Variants in SHH observed in about 807,000 individuals in gnomAD.
SHH encodes sonic hedgehog protein.
A neutral mutation model predicts 16.6 loss-of-function variants in SHH; 3 were observed. The observed-to-expected ratio is 0.18, with a 90% CI of 0.08 to 0.47. SHH has a LOEUF of 0.47. Ranked by LOEUF, SHH falls within the 20% of genes least tolerant of loss-of-function variation. SHH has a pLI of 0.98. For synonymous variants in SHH, 351 were observed against 316.2 expected, an observed-to-expected ratio of 1.11 and a Z score of -1.17; for missense variants, 499 against 665.0, an observed-to-expected ratio of 0.75 and a Z score of 2.75.
Position 155,800,256 on chromosome 7 carries a change from G to C in SHH, c.*2644C>G. The C allele has an allele frequency of 2.1e-6, 1 of 470,006 alleles. No individual in the cohort carries two copies. Among genetic ancestry groups the C allele is most frequent in the Non-Finnish European group, 4.4e-6 (1 of 226,732 alleles). The allele number at this position is 470,006 out of a possible 1,614,324, so 29.1% of individuals were successfully genotyped here. A position where few individuals can be genotyped will look rare whatever the true frequency, so the allele number is the denominator to read the frequency against. The stretch of plus-strand genomic sequence containing the variant: ...GTTTCCTTTCCTTGCCTGTGAAAAA[G>C]AGAATTTTAAATATAAAGCAGTGGA... On this transcript the variant is annotated 3_prime_UTR_variant, in exon 3 of 3. Coordinates refer to ENST00000297261, the MANE Select transcript of SHH (RefSeq NM_000193.4).
chr7:155,804,473 C>T (rs1803295036), intron 2 of SHH, among the ~76,000 whole-genome samples: 1 of 152,110 alleles, frequency 6.6e-6, no homozygotes, highest in African/African-American at 2.4e-5. Flanking sequence ...TGGAAGGGGA[C>T]ACTTCCATTT....
chr7:155,803,719 C>T lies in SHH; in HGVS notation c.570G>A (p.Ser190=), dbSNP rs9333633. 4.3e-3 allele frequency: 6,847 copies of T among 1,596,968 alleles called. 56 individuals are homozygous for T. Among genetic ancestry groups the T allele is most frequent in the South Asian group, 0.019 (1,705 of 90,916 alleles). ...AGCAGCCTCCCGATTTGGCCGCCAC[C>T]GAGTTCTCTGCGGGTGAGGAGAAGG... ...HIHCSVKAEN[S]VAAKSGGCFP... The change falls in exon 3 of 3, where the codon TCG becomes TCA. Residue 190 remains serine, a synonymous_variant. Coordinates refer to ENST00000297261, the MANE Select transcript of SHH (RefSeq NM_000193.4).
rs751747965 is a variant in SHH at position 155,812,148 on chromosome 7, G to T, written c.-26C>A. ...CTCGCCCATGGAACTGATGACTTCC[G>T]AGCTGTCCCCGTGCGGGTCCGTGCG... On this transcript the variant is annotated 5_prime_UTR_variant, in exon 1 of 3. Coordinates refer to ENST00000297261, the MANE Select transcript of SHH (RefSeq NM_000193.4). The T allele has an allele frequency of 5.0e-6, 8 of 1,612,808 alleles. No homozygotes were observed.
At position 155,803,163 on chromosome 7, in the gene SHH, C is replaced by A; in HGVS notation, c.1126G>T (p.Ala376Ser). 6.9e-7 allele frequency: 1 copy of A among 1,447,606 alleles called. No homozygotes were observed. The highest frequency in any genetic ancestry group is 9.1e-7 in the Non-Finnish European group (1 of 1,098,446). The allele number at this position is 1,447,606 out of a possible 1,614,324, so 89.7% of individuals were successfully genotyped here. ...VIEEHSWAHR[A>S]FAPFRLAHAL... ...TGCGCCAGGCGGAAGGGCGCGAAGG[C>A]CCGGTGCGCCCAGCTGTGCTCCTCG... is the stretch of plus-strand genomic sequence containing the variant. Residue 376 changes from alanine to serine, a missense_variant, in exon 3 of 3, where the codon GCC becomes TCC. By Grantham distance (99) the Ala-to-Ser change is moderately conservative (BLOSUM62 1). Coordinates refer to ENST00000297261, the MANE Select transcript of SHH (RefSeq NM_000193.4).
In SHH at chr7:155,802,560, C is replaced by T. The variant is rs958801821; in HGVS notation, c.*340G>A. ...AGTTCACATGATCATAATAAATTAT[C>T]CAAGAAACAAACTATTTAAGGCTCT... On this transcript the variant is annotated 3_prime_UTR_variant, in exon 3 of 3. Coordinates refer to ENST00000297261, the MANE Select transcript of SHH (RefSeq NM_000193.4). 5.2e-5 allele frequency: 10 copies of T among 193,100 alleles called. No homozygotes were observed. The highest frequency in any genetic ancestry group is 7.3e-5 in the Non-Finnish European group (7 of 95,320). 12.0% of individuals were successfully genotyped at this position (193,100 alleles called of 1,614,324 possible). A position where few individuals can be genotyped will look rare whatever the true frequency, so the allele number is the denominator to read the frequency against.
intron 1 of SHH, among the ~76,000 whole-genome samples, chr7:155,808,016 G>T (rs1190796002): frequency 6.6e-5 from 10 of 151,622 alleles, no homozygotes; most frequent in Admixed American, 1.3e-4. Context: ...GACAAATTGC[G>T]CAACAGGAAA....
At chr7:155,806,157 A>C in intron 2 of SHH, 139 bp downstream of exon 2, 1 of 1,072,708 alleles carries the variant, frequency 9.3e-7, no homozygotes, top group Non-Finnish European at 1.4e-6. Flanking sequence ...GGCAGGTTCC[A>C]CCGCGGAAAC....
chr7:155,803,269 C>A lies in SHH; in HGVS notation c.1020G>T (p.Glu340Asp). ...AAVHSVTLSE[E>D]AAGAYAPLTA... The stretch of plus-strand genomic sequence containing the variant: ...TGAGCGGCGCGTAGGCGCCCGCGGC[C>A]TCCTCGCTTAGGGTCACGCTGTGCA... The change falls in exon 3 of 3, where the codon GAG becomes GAT. Residue 340 changes from glutamate (E) to aspartate (D), a missense_variant. Coordinates refer to ENST00000297261, the MANE Select transcript of SHH (RefSeq NM_000193.4). 1 of 1,507,160 alleles carries A rather than the reference C, an allele frequency of 6.6e-7. No individual in the cohort carries two copies. The highest frequency in any genetic ancestry group is 1.4e-5 in the African/African-American group (1 of 69,634). 93.4% of individuals were successfully genotyped at this position (1,507,160 alleles called of 1,614,324 possible).
chr7:155,808,913 C>T (rs1478600829), intron 1 of SHH: 1 of 152,292 alleles, frequency 6.6e-6, no homozygotes, highest in Admixed American at 6.5e-5. Flanking sequence ...AGCTTCAAGA[C>T]AGCCCCAGCC....
chr7:155,805,906 G>A (rs572309983), intron 2 of SHH, among the ~76,000 whole-genome samples: 1 of 152,250 alleles, frequency 6.6e-6, no homozygotes, highest in African/African-American at 2.4e-5. Flanking sequence ...GGGTGGGGGC[G>A]GTTGGTTCTT....
chr7:155,802,096 A>AAAAAAAAAG lies in SHH; in HGVS notation c.*803_*804insCTTTTTTTT, dbSNP rs1803196108. On this transcript the variant is annotated 3_prime_UTR_variant, in exon 3 of 3. Coordinates refer to ENST00000297261, the MANE Select transcript of SHH (RefSeq NM_000193.4). The stretch of plus-strand genomic sequence containing the variant: ...TTGTCCAAAAAAAAAAAAAAAAAAA[A>AAAAAAAAAG]AAAAGAAAAGAAAAGAAAAAGAAAA... 6.9e-6 allele frequency: 1 copy of AAAAAAAAAG among 145,674 alleles called. No homozygotes were observed. The highest frequency in any genetic ancestry group is 2.6e-5 in the African/African-American group (1 of 38,878). The allele number at this position is 145,674 out of a possible 1,614,324, so 9.0% of individuals were successfully genotyped here.
Position 155,812,423 on chromosome 7 carries a change from A to C in SHH, c.-301T>G. 2 of 511,334 alleles carry C rather than the reference A, an allele frequency of 3.9e-6. No individual in the cohort carries two copies. Among genetic ancestry groups the C allele is most frequent in the Non-Finnish European group, 3.6e-6 (1 of 280,172 alleles). 31.7% of individuals were successfully genotyped at this position (511,334 alleles called of 1,614,324 possible). ...CGCGAGACAGCAATCAAAAGACAAA[A>C]AGAGTCTGATTTTAAATGGTAGCAA... On this transcript the variant is annotated 5_prime_UTR_variant, in exon 1 of 3. Coordinates refer to ENST00000297261, the MANE Select transcript of SHH (RefSeq NM_000193.4).
In SHH at chr7:155,812,248, G is replaced by C. The variant is rs1563203506; in HGVS notation, c.-126C>G. On this transcript the variant is annotated 5_prime_UTR_variant, in exon 1 of 3. Transcript: ENST00000297261. ...CTTCCTCGCTCCGGCTCGCCCGCTC[G>C]CTCTCTCCCTCGCTGGCTGCCTCGC... is the stretch of plus-strand genomic sequence containing the variant. The C allele has an allele frequency of 2.2e-6, 2 of 899,314 alleles. No individual in the cohort carries two copies. Among genetic ancestry groups the C allele is most frequent in the South Asian group, 2.7e-5 (2 of 72,912 alleles). The allele number at this position is 899,314 out of a possible 1,614,324, so 55.7% of individuals were successfully genotyped here.
chr7:155,800,764 C>A lies in SHH; in HGVS notation c.*2136G>T. ...CCTGCGCCATCCACCTGGTCACACA[C>A]CCTCCACGGAAGGCCACTCAAGGGC... is the stretch of plus-strand genomic sequence containing the variant. On this transcript the variant is annotated 3_prime_UTR_variant, in exon 3 of 3. Coordinates refer to ENST00000297261, the MANE Select transcript of SHH (RefSeq NM_000193.4). The A allele has an allele frequency of 4.9e-6, 2 of 405,966 alleles. 1 individual carries two copies. Among genetic ancestry groups the A allele is most frequent in the Non-Finnish European group, 9.9e-6 (2 of 201,720 alleles). The allele number at this position is 405,966 out of a possible 1,614,324, so 25.1% of individuals were successfully genotyped here.
Position 155,807,114 on chromosome 7 carries a change from C to A in SHH, c.301-557G>T, listed in dbSNP as rs552026021. ...ACTGCTTGGAGAATTGAAGGCCTTG[C>A]ATTTATTTACCTCAGGCCCTAACCC... On this transcript the variant is annotated intron_variant, in intron 1 of 2. Coordinates refer to ENST00000297261, the MANE Select transcript of SHH (RefSeq NM_000193.4). The surrounding 1 kb of genome is among the most constrained non-coding windows in gnomAD (Gnocchi z 7.1). The A allele has an allele frequency of 1.1e-5, 2 of 184,942 alleles. No homozygotes were observed. The highest frequency in any genetic ancestry group is 5.3e-5 in the Admixed American group (1 of 18,804). The allele number at this position is 184,942 out of a possible 1,614,324, so 11.5% of individuals were successfully genotyped here.
In SHH at chr7:155,803,068, C is replaced by T. The variant is rs769639198; in HGVS notation, c.1221G>A (p.Gly407=). 2 of 1,380,000 alleles carry T rather than the reference C, an allele frequency of 1.4e-6. No homozygotes were observed. Among genetic ancestry groups the T allele is most frequent in the Non-Finnish European group, 1.9e-6 (2 of 1,064,486 alleles). The allele number at this position is 1,380,000 out of a possible 1,614,324, so 85.5% of individuals were successfully genotyped here. A position where few individuals can be genotyped will look rare whatever the true frequency, so the allele number is the denominator to read the frequency against. ...RGGDSGGGDR[G]GGGGRVALTA... is the part of the protein sequence containing the mutation. ...TTAGGGCTACTCTGCCGCCGCCGCC[C>T]CCGCGGTCCCCGCCGCCGCTGTCCC... The change falls in exon 3 of 3, where the codon GGG becomes GGA. Residue 407 remains glycine (G), a synonymous_variant. Coordinates refer to ENST00000297261, the MANE Select transcript of SHH (RefSeq NM_000193.4).
chr7:155,803,452 G>C lies in SHH; in HGVS notation c.837C>G (p.Asp279Glu). The change falls in exon 3 of 3, where the codon GAC (aspartate) becomes GAG (glutamate). Residue 279 changes from aspartate (D) to glutamate (E), a missense_variant. Asp to Glu is a conservative substitution (Grantham distance 45). Around this residue, in one of 4 missense-constraint regions of SHH, gnomAD observed 299 missense variants for 301.1 expected, o/e 0.99. Transcript: ENST00000297261. ...AHLLFVAPHN[D>E]SATGEPEASS... ...ACGCCTCGGGCTCCCCGGTGGCCGA[G>C]TCGTTGTGCGGCGCCACAAAGAGCA... The C allele has an allele frequency of 1.9e-6, 3 of 1,545,900 alleles. No individual in the cohort carries two copies. Among genetic ancestry groups the C allele is most frequent in the Non-Finnish European group, 2.6e-6 (3 of 1,150,460 alleles).
At position 155,802,773 on chromosome 7, in the gene SHH, T is replaced by TTA. The variant is rs1554493553; in HGVS notation, c.*126_*127insTA. The TTA allele has an allele frequency of 5.1e-5, 26 of 510,028 alleles. No individual in the cohort carries two copies. Among genetic ancestry groups the TTA allele is most frequent in the Middle Eastern group, 5.5e-4 (1 of 1,814 alleles). 31.6% of individuals were successfully genotyped at this position (510,028 alleles called of 1,614,324 possible). ...TAGAGTCTACTTTGGACTGTCCTAC[T>TTA]TTATTATTCTTATTCTTATTATAAC... On this transcript the variant is annotated 3_prime_UTR_variant, in exon 3 of 3. Coordinates refer to ENST00000297261, the MANE Select transcript of SHH (RefSeq NM_000193.4).
intron 1 of SHH, among the ~76,000 whole-genome samples, chr7:155,808,738 C>T (rs976175570): frequency 6.6e-6 from 1 of 152,222 alleles, no homozygotes; most frequent in African/African-American, 2.4e-5. Context: ...TGTGCAGCCA[C>T]CGTGAAGCCC....
Sources: allele counts gnomAD v4.1 joint callset (sites outside exome capture counted in the v4.1 genomes callset), GRCh38; gene constraint gnomAD v4.1.1; regional missense constraint gnomAD v4.1.1; non-coding constraint Gnocchi (gnomAD v3.1); transcripts MANE v1.5; gene names NCBI Gene and HGNC (gene_info 2026-07-23, HGNC 2026-07-21).